NRN1: variants seen among roughly 807,000 people sequenced by gnomAD.
NRN1 encodes neuritin.
A neutral mutation model predicts 15.0 loss-of-function variants in NRN1; 4 were observed. The observed-to-expected ratio is 0.27, with a 90% CI of 0.13 to 0.61. NRN1 has a LOEUF of 0.61. Ranked by LOEUF, NRN1 falls within the 20% of genes least tolerant of loss-of-function variation. The pLI is 0.87. For synonymous variants in NRN1, 85 were observed against 79.8 expected (o/e 1.07, Z -0.35); for missense variants, 134 against 181.9 (o/e 0.74, Z 1.51).
chr6:6,002,706 A>C, intron 1 of NRN1: 1 of 527,898 alleles, frequency 1.9e-6, no homozygotes, highest in Non-Finnish European at 3.3e-6. Flanking sequence ...TCTAGTGCAA[A>C]TTGTCGGTGT....
At chr6:5,999,421 G>A (rs866318077) in intron 2 of NRN1, among the ~76,000 whole-genome samples, 1 of 151,674 alleles carries the variant, frequency 6.6e-6, no homozygotes, top group Non-Finnish European at 1.5e-5. Flanking sequence ...AAGCGGGGGT[G>A]GGGGGGCGCC....
intron 1 of NRN1, among the ~76,000 whole-genome samples, chr6:6,006,089 T>C (rs1758102225): frequency 6.6e-6 from 1 of 152,190 alleles, no homozygotes; most frequent in Non-Finnish European, 1.5e-5. Flanking sequence ...GAATTCATCC[T>C]CTTCAATGGT....
intron 1 of NRN1, chr6:6,003,101 A>C: frequency 1.1e-6 from 1 of 871,690 alleles, no homozygotes; most frequent in Non-Finnish European, 1.5e-6. Flanking sequence ...TGAATGAACG[A>C]ATATAGTCCC....
Position 6,006,678 on chromosome 6 carries a change from G to A in NRN1, c.55+17C>T. The A allele has an allele frequency of 1.9e-6, 3 of 1,613,410 alleles. No individual in the cohort carries two copies. Among genetic ancestry groups the A allele is most frequent in the Non-Finnish European group, 2.5e-6 (3 of 1,179,414 alleles). Reference sequence around the variant, plus strand: ...CCTCCCGCCTCCAGCCTCCAGCCGGGCTGAGCGGCCACTTACCTATTTGCA... The same window carrying A: ...CCTCCCGCCTCCAGCCTCCAGCCGGACTGAGCGGCCACTTACCTATTTGCA... On this transcript the variant is annotated intron_variant, in intron 1 of 2. Transcript: ENST00000244766.
chr6:6,002,257 GCGCTGAA>G, intron 2 of NRN1, 89 bp downstream of exon 2: 1 of 1,467,868 alleles, frequency 6.8e-7, no homozygotes, highest in South Asian at 1.2e-5. Context: ...ATTCGCGCTG[GCGCTGAA>G]CGCTGAGCGC....
intron 2 of NRN1, among the ~76,000 whole-genome samples, chr6:5,999,529 C>A (rs189070562): frequency 2.7e-3 from 407 of 152,388 alleles, no homozygotes; most frequent in Non-Finnish European, 4.4e-3. Flanking sequence ...CCTCGGCCTC[C>A]GCAAACAGAT....
chr6:5,999,138 A>G lies in NRN1; in HGVS notation c.267T>C (p.Asp89=). 1 of 1,614,182 alleles carries G rather than the reference A, an allele frequency of 6.2e-7. No homozygotes were observed. Among genetic ancestry groups the G allele is most frequent in the East Asian group, 2.2e-5 (1 of 44,872 alleles). The change falls in exon 3 of 3, where the codon GAT becomes GAC. Residue 89 remains aspartate, a synonymous_variant. Transcript: ENST00000244766. ...ATTCTTTTCTCAGTTTATCCCACAT[A>G]TCTTTCGCCCCTTCCTGGCAATCCG... is the stretch of plus-strand genomic sequence containing the variant. The part of the protein sequence containing the change: ...ALTDCQEGAK[D]MWDKLRKESK...
At chr6:6,002,216 G>T in intron 2 of NRN1, 137 bp downstream of exon 2, 4 of 1,133,230 alleles carry the variant, frequency 3.5e-6, no homozygotes, top group Non-Finnish European at 5.1e-6. Context: ...CCTGGGGGTT[G>T]GAGCCAGAAG....
At chr6:6,001,597 C>G (rs573000959) in intron 2 of NRN1, among the ~76,000 whole-genome samples, 1 of 152,156 alleles carries the variant, frequency 6.6e-6, no homozygotes, top group African/African-American at 2.4e-5. Context: ...CTGGGGACGC[C>G]TTACAGATGT....
chr6:5,999,974 G>C (rs912917482), intron 2 of NRN1, among the ~76,000 whole-genome samples: 21 of 152,110 alleles, frequency 1.4e-4, no homozygotes, highest in African/African-American at 5.1e-4. Context: ...CGAGCACCTG[G>C]GGCCGGCCTC....
chr6:6,000,161 A>T (rs1757902539), intron 2 of NRN1, among the ~76,000 whole-genome samples: 1 of 151,762 alleles, frequency 6.6e-6, no homozygotes, highest in African/African-American at 2.4e-5. Context: ...CGTGGTGCCC[A>T]CCTCTGCCAA....
At chr6:6,002,660 T>A (rs1301202885) in intron 1 of NRN1, among the ~76,000 whole-genome samples, 163 bp from the exon 2 acceptor site, 1 of 152,246 alleles carries the variant, frequency 6.6e-6, no homozygotes, top group Admixed American at 6.5e-5. Context: ...ATGAAAGACG[T>A]GACCCAGGAA....
At chr6:6,004,122 G>A (rs1758043322) in intron 1 of NRN1, 2 of 830,372 alleles carry the variant, frequency 2.4e-6, no homozygotes, top group Admixed American at 5.8e-5. Flanking sequence ...AATCCGGAAC[G>A]GGAAGCACTG....
intron 1 of NRN1, 22 bp from the exon 2 acceptor site, chr6:6,002,519 G>A (rs554451080): frequency 1.2e-6 from 2 of 1,604,806 alleles, no homozygotes; most frequent in Admixed American, 1.7e-5. Flanking sequence ...AGGGAACACC[G>A]GTCAGCAGCG....
intron 1 of NRN1, chr6:6,003,606 G>A (rs1582993582): frequency 2.7e-6 from 2 of 743,174 alleles, no homozygotes; most frequent in Non-Finnish European, 3.7e-6. Context: ...AGGAGGAGGA[G>A]GAAACACAGG....
At chr6:6,004,325 C>CCA (rs1758050267) in intron 1 of NRN1, among the ~76,000 whole-genome samples, 1 of 152,214 alleles carries the variant, frequency 6.6e-6, no homozygotes, top group Non-Finnish European at 1.5e-5. Flanking sequence ...GAAATACACT[C>CCA]CACACATCTT....
At chr6:6,003,586 C>G (rs1758026105) in intron 1 of NRN1, 4 of 647,204 alleles carry the variant, frequency 6.2e-6, no homozygotes, top group African/African-American at 1.9e-5. Context: ...AGCTGAGCGG[C>G]GGGAGGAGGA....
intron 2 of NRN1, among the ~76,000 whole-genome samples, chr6:6,002,010 C>T (rs1258964443): frequency 4.6e-5 from 7 of 152,254 alleles, no homozygotes; most frequent in African/African-American, 1.7e-4. Flanking sequence ...TCTTGCAGCA[C>T]CAAGATTTTG....
intron 1 of NRN1, chr6:6,003,381 C>T (rs1561904168): frequency 6.9e-6 from 4 of 583,738 alleles, no homozygotes; most frequent in Non-Finnish European, 7.6e-6. Flanking sequence ...CTCCTCCTCC[C>T]CTGTCCGCCA....
Sources: allele counts gnomAD v4.1 joint callset (sites outside exome capture counted in the v4.1 genomes callset), GRCh38; gene constraint gnomAD v4.1.1; transcripts MANE v1.5; gene names NCBI Gene and HGNC (gene_info 2026-07-23, HGNC 2026-07-21).